The following METTL8 variants were observed in gnomAD, a reference collection of about 807,000 sequenced individuals.
METTL8 encodes the protein methyltransferase 8, tRNA N3-cytidine, also known as tRNA N(3)-cytidine methyltransferase METTL8, mitochondrial.
Under a neutral mutation model 48.7 loss-of-function variants are expected in METTL8, and 32 were observed. That is an observed-to-expected ratio of 0.66 (90% CI 0.50 to 0.88). The LOEUF (loss-of-function observed/expected upper bound fraction) is 0.88. Ranked by LOEUF, METTL8 falls within the 40% of genes least tolerant of loss-of-function variation. The pLI is 0.00. For missense variants in METTL8, 464 were observed against 474.4 expected (o/e 0.98, Z 0.20); for synonymous variants, 136 against 157.1 (o/e 0.87, Z 1.01).
chr2:171,324,962 G>A (rs1430016356), intron 9 of METTL8, among the ~76,000 whole-genome samples: 2 of 151,782 alleles, frequency 1.3e-5, no homozygotes, highest in Non-Finnish European at 2.9e-5. Flanking sequence ...AAATTACCTA[G>A]GCGTGGAGGT....
intron 1 of METTL8, among the ~76,000 whole-genome samples, chr2:171,419,681 A>C (rs57201420): frequency 0.011 from 1,694 of 152,202 alleles, 30 homozygotes; most frequent in African/African-American, 0.038. Flanking sequence ...GTTATTGCAT[A>C]CATTTGTAAT....
intron 3 of METTL8, among the ~76,000 whole-genome samples, chr2:171,344,165 C>T (rs571549787): frequency 6.6e-6 from 1 of 152,286 alleles, no homozygotes; most frequent in East Asian, 1.9e-4. Flanking sequence ...TTATGGGCTA[C>T]GCACTATGTC....
At chr2:171,337,312 T>G in intron 5 of METTL8, 141 bp downstream of exon 5, 1 of 581,000 alleles carries the variant, frequency 1.7e-6, no homozygotes, top group Non-Finnish European at 3.0e-6. Flanking sequence ...GATTAAGACA[T>G]TTCTTTTGAA....
chr2:171,343,439 CAATAAATA>C (rs574312068), intron 3 of METTL8, among the ~76,000 whole-genome samples: 42 of 148,868 alleles, frequency 2.8e-4, no homozygotes, highest in South Asian at 4.3e-4. Flanking sequence ...AACTCCATCT[CAATAAATA>C]AATAAATAAA....
At chr2:171,345,596 AG>A (rs1435928892) in intron 3 of METTL8, among the ~76,000 whole-genome samples, 70 of 152,340 alleles carry the variant, frequency 4.6e-4, no homozygotes, top group African/African-American at 1.7e-3. Flanking sequence ...TAAAACTTTT[AG>A]CTACTCTCTC....
rs774876091 is a variant in METTL8 at position 171,386,880 on chromosome 2, C to T, written c.143+5163G>A. ...CAGACACACAGGTGGCTGGACATGGCGAGAAGCACATCAGGAGGCACCAGC... is the reference window on the plus strand; with the variant it reads ...CAGACACACAGGTGGCTGGACATGGTGAGAAGCACATCAGGAGGCACCAGC... On this transcript the variant is annotated intron_variant, in intron 2 of 9. Coordinates refer to ENST00000375258, the MANE Select transcript of METTL8 (RefSeq NM_001321154.2). Among the ~76,000 whole-genome samples the T allele has an allele frequency of 7.4e-4, 113 of 152,142 alleles. 1 individual carries two copies. Among genetic ancestry groups the T allele is most frequent in the Non-Finnish European group, 1.3e-3 (86 of 67,986 alleles).
intron 1 of METTL8, among the ~76,000 whole-genome samples, chr2:171,419,258 A>C (rs1311590378): frequency 1.3e-5 from 2 of 152,152 alleles, no homozygotes; most frequent in Non-Finnish European, 2.9e-5. Flanking sequence ...AGTCCTCTCA[A>C]GGGACAAAGC....
chr2:171,382,072 G>A (rs1247575778), intron 2 of METTL8, among the ~76,000 whole-genome samples: 3 of 152,108 alleles, frequency 2.0e-5, no homozygotes, highest in Non-Finnish European at 2.9e-5. Flanking sequence ...ATGAGCCACC[G>A]CGCCCAGCCA....
intron 1 of METTL8, among the ~76,000 whole-genome samples, chr2:171,410,754 T>C (rs1235315241): frequency 6.6e-6 from 1 of 152,226 alleles, no homozygotes; most frequent in Non-Finnish European, 1.5e-5. Context: ...TTGCCATACA[T>C]GTATAAACTC....
chr2:171,329,820 A>T (rs1188476601), intron 7 of METTL8, among the ~76,000 whole-genome samples: 1 of 152,230 alleles, frequency 6.6e-6, no homozygotes, highest in Non-Finnish European at 1.5e-5. Context: ...CCACCAGGGA[A>T]CTGTGAGAAC....
At chr2:171,409,880 C>A (rs1690573570) in intron 1 of METTL8, among the ~76,000 whole-genome samples, 2 of 152,174 alleles carry the variant, frequency 1.3e-5, no homozygotes, top group African/African-American at 4.8e-5. Context: ...TGAGGCCCTC[C>A]AGGCAGAGCC....
intron 1 of METTL8, among the ~76,000 whole-genome samples, chr2:171,414,945 G>C (rs1268364943): frequency 1.3e-5 from 2 of 152,058 alleles, no homozygotes; most frequent in African/African-American, 4.8e-5. Context: ...GGTTTTATAA[G>C]GGGAAACCCC....
intron 1 of METTL8, among the ~76,000 whole-genome samples, chr2:171,393,569 A>G (rs1342177503): frequency 6.6e-6 from 1 of 152,206 alleles, no homozygotes; most frequent in Non-Finnish European, 1.5e-5. Flanking sequence ...ATCTTTATGG[A>G]AAAGTATTAA....
intron 2 of METTL8, among the ~76,000 whole-genome samples, chr2:171,369,457 A>T (rs1457653797): frequency 6.6e-6 from 1 of 152,256 alleles, no homozygotes; most frequent in African/African-American, 2.4e-5. Context: ...ATTTAGAGCA[A>T]TGCCACTCTT....
chr2:171,418,035 C>A (rs575481552), intron 1 of METTL8, among the ~76,000 whole-genome samples: 49 of 152,278 alleles, frequency 3.2e-4, no homozygotes, highest in Middle Eastern at 3.4e-3. Context: ...GCTCCGCCTC[C>A]TGGGTTCACG....
chr2:171,363,817 T>TATATATATATATATATATG (rs1228494441), intron 2 of METTL8, among the ~76,000 whole-genome samples: 4 of 129,052 alleles, frequency 3.1e-5, no homozygotes, highest in Non-Finnish European at 6.6e-5. Context: ...TATATATATC[T>TATATATATATATATATATG]TTTTTTTTTT....
intron 9 of METTL8, among the ~76,000 whole-genome samples, chr2:171,325,156 A>G (rs1371726342): frequency 6.7e-6 from 1 of 149,882 alleles, no homozygotes; most frequent in African/African-American, 2.4e-5. Flanking sequence ...AATCAGCTAG[A>G]GATAAGTAAT....
At chr2:171,372,885 G>A (rs1686517386) in intron 2 of METTL8, among the ~76,000 whole-genome samples, 1 of 152,132 alleles carries the variant, frequency 6.6e-6, no homozygotes, top group Non-Finnish European at 1.5e-5. Flanking sequence ...ATCTATCACT[G>A]ATGGACATTT....
chr2:171,325,572 A>T (rs1483578696), intron 9 of METTL8, among the ~76,000 whole-genome samples: 1 of 152,202 alleles, frequency 6.6e-6, no homozygotes, highest in Non-Finnish European at 1.5e-5. Context: ...TAGGCTAACA[A>T]TATCTCCAAA....
Sources: allele counts gnomAD v4.1 joint callset (sites outside exome capture counted in the v4.1 genomes callset), GRCh38; gene constraint gnomAD v4.1.1; transcripts MANE v1.5; gene names NCBI Gene and HGNC (gene_info 2026-07-23, HGNC 2026-07-21).